Variants in NLRC5 observed in about 807,000 individuals in gnomAD.
The protein encoded by NLRC5 is protein NLRC5.
Under a neutral mutation model 206.9 loss-of-function variants are expected in NLRC5, and 114 were observed. The ratio of observed to expected loss-of-function variants is 0.55; its 90% confidence interval spans 0.47 to 0.64. The LOEUF (loss-of-function observed/expected upper bound fraction) is 0.64, where lower values mean the gene tolerates loss of function less well. Among genes scored for constraint, NLRC5 ranks in the 30% least tolerant of loss-of-function variants. The pLI, the probability that NLRC5 is intolerant of heterozygous loss-of-function variation, is 0.00. For synonymous variants in NLRC5, 952 were observed against 962.8 expected (o/e 0.99, Z 0.21); for missense variants, 2,008 against 2,305.5 (o/e 0.87, Z 2.64).
At chr16:57,030,169 C>A in intron 10 of NLRC5, 85 bp downstream of exon 10, 4 of 1,108,022 alleles carry the variant, frequency 3.6e-6, no homozygotes, top group Admixed American at 1.8e-5. Flanking sequence ...GGAGGCCCCT[C>A]GTCTGCAGGA....
chr16:57,030,637 TGGATGGATGGA>T (rs2143011766), intron 10 of NLRC5, among the ~76,000 whole-genome samples: 1 of 151,376 alleles, frequency 6.6e-6, no homozygotes, highest in Admixed American at 6.6e-5. Context: ...GATGGATGGA[TGGATGGATGGA>T]TGGATGGATG....
At chr16:57,067,177 C>T (rs1222180904) in intron 34 of NLRC5, among the ~76,000 whole-genome samples, 3 of 152,206 alleles carry the variant, frequency 2.0e-5, no homozygotes, top group Admixed American at 6.5e-5. Context: ...GGCTGTGTGT[C>T]CTTGTGCGGT....
intron 5 of NLRC5, among the ~76,000 whole-genome samples, chr16:57,024,297 C>A (rs1171165015): frequency 2.0e-5 from 3 of 152,190 alleles, no homozygotes; most frequent in Admixed American, 2.0e-4. Context: ...CTGCTTAGGG[C>A]AGGCCAGGCC....
intron 1 of NLRC5, among the ~76,000 whole-genome samples, chr16:57,007,359 G>T (rs190541406): frequency 1.3e-4 from 20 of 152,288 alleles, no homozygotes; most frequent in Admixed American, 9.8e-4. Context: ...AGAAAATGGT[G>T]TATCTTTTTA....
intron 23 of NLRC5, among the ~76,000 whole-genome samples, chr16:57,048,921 T>C (rs942753503): frequency 6.6e-6 from 1 of 152,190 alleles, no homozygotes; most frequent in Non-Finnish European, 1.5e-5. Flanking sequence ...ACAGAGTATA[T>C]ACTGATGCCT....
intron 1 of NLRC5, among the ~76,000 whole-genome samples, chr16:57,006,458 G>A (rs532687623): frequency 4.5e-4 from 50 of 109,986 alleles, no homozygotes; most frequent in East Asian, 1.2e-3. Context: ...TCACTCTGTC[G>A]CCCAGGCTGG....
chr16:57,028,393 A>G lies in NLRC5; in HGVS notation c.2243+8A>G, dbSNP rs758539968. On this transcript the variant is annotated splice_region_variant and intron_variant, in intron 8 of 48. Transcript: ENST00000688547. ...ACAGCTGAAAGAAGTCAGGTGAGTG[A>G]TCTCCAGGAGGGCTCACTGACTGGG... The G allele has an allele frequency of 6.2e-7, 1 of 1,610,926 alleles. No homozygotes were observed. The highest frequency in any genetic ancestry group is 1.7e-4 in the Middle Eastern group (1 of 6,050).
At chr16:57,010,057 G>A (rs532954132) in intron 1 of NLRC5, among the ~76,000 whole-genome samples, 2 of 152,170 alleles carry the variant, frequency 1.3e-5, no homozygotes, top group African/African-American at 2.4e-5. Context: ...GCCATCTTTG[G>A]GCTTGAGCTC....
At chr16:57,054,096 C>T (rs1207761142) in intron 24 of NLRC5, among the ~76,000 whole-genome samples, 1 of 152,124 alleles carries the variant, frequency 6.6e-6, no homozygotes, top group African/African-American at 2.4e-5. Flanking sequence ...CTCACTTTCT[C>T]TAAGGCAGTG....
At chr16:57,044,934 A>G (rs907611041) in intron 20 of NLRC5, among the ~76,000 whole-genome samples, 1 of 148,666 alleles carries the variant, frequency 6.7e-6, no homozygotes, top group East Asian at 2.0e-4. Flanking sequence ...GTCAGGCACA[A>G]TGGCTCACAT....
In NLRC5 at chr16:57,077,724, C is replaced by G; in HGVS notation, c.4925C>G (p.Ser1642Ter). The G allele has an allele frequency of 6.3e-7, 1 of 1,582,952 alleles. No homozygotes were observed. The highest frequency in any genetic ancestry group is 8.6e-7 in the Non-Finnish European group (1 of 1,162,466). Residue 1642 changes from serine to a stop codon, truncating the protein, a stop_gained, in exon 42 of 49, where the codon TCA (serine) becomes TGA (stop). Transcript: ENST00000688547. LOFTEE classifies it high-confidence loss of function. ...GLPELRKIDLSGNSISSAGGV... is the reference protein window; with the variant it reads ...GLPELRKIDL ...TGGCTGCCCCCCTCCCACAGCCTCT[C>G]AGGGAATAGCATCAGCTCAGCCGGG...
chr16:56,993,257 CTT>C (rs1180157605), intron 1 of NLRC5, among the ~76,000 whole-genome samples: 3 of 149,050 alleles, frequency 2.0e-5, no homozygotes, highest in Admixed American at 1.3e-4. Context: ...TTTTTTTAAA[CTT>C]AGTGCAATTT....
At chr16:57,043,687 C>A (rs2063569275) in intron 20 of NLRC5, 83 bp downstream of exon 20, 6 of 1,051,382 alleles carry the variant, frequency 5.7e-6, no homozygotes, top group Non-Finnish European at 9.0e-6. Context: ...CCTTGTCCAC[C>A]AGTTTCATGC....
intron 1 of NLRC5, chr16:57,013,192 A>T (rs542396192): frequency 2.4e-6 from 1 of 413,784 alleles, no homozygotes; most frequent in Non-Finnish European, 4.6e-6. Flanking sequence ...ATTGACTTCT[A>T]ACTTCATTAA....
intron 1 of NLRC5, among the ~76,000 whole-genome samples, chr16:56,993,236 C>T (rs537797415): frequency 3.3e-5 from 5 of 150,900 alleles, no homozygotes; most frequent in Admixed American, 1.3e-4. Context: ...TGTTCTCTAA[C>T]TTGGGTTTTT....
chr16:57,062,146 AT>A (rs2066594226), intron 32 of NLRC5: 3 of 860,270 alleles, frequency 3.5e-6, no homozygotes, highest in Non-Finnish European at 5.0e-6. Context: ...TTCTATTTTT[AT>A]TTTTATTTCA....
chr16:57,075,005 CTT>C (rs77796033), intron 39 of NLRC5, among the ~76,000 whole-genome samples: 1 of 58,104 alleles, frequency 1.7e-5, no homozygotes, highest in Non-Finnish European at 3.2e-5. Flanking sequence ...CTAGACTGTG[CTT>C]TTTTTTTTTT....
intron 1 of NLRC5, among the ~76,000 whole-genome samples, chr16:56,993,471 T>C: frequency 6.6e-6 from 1 of 152,118 alleles, no homozygotes; most frequent in East Asian, 1.9e-4. Context: ...TGGGAGTGAA[T>C]CTTTAAGAAA....
chr16:57,022,157 TC>T, intron 3 of NLRC5, 98 bp from the exon 4 acceptor site: 1 of 903,500 alleles, frequency 1.1e-6, no homozygotes, highest in Non-Finnish European at 1.7e-6. Context: ...GCTGGGTATC[TC>T]CCTGTGAGAT....
Sources: gnomAD v4.1 joint callset for allele counts (sites outside exome capture counted in the v4.1 genomes callset) on GRCh38, gnomAD v4.1.1 for gene constraint, MANE v1.5 for transcripts, NCBI Gene and HGNC (gene_info 2026-07-23, HGNC 2026-07-21) for gene names.